The following ZCWPW2 variants were observed in gnomAD, a reference collection of about 807,000 sequenced individuals.
The protein encoded by ZCWPW2 is zinc finger CW-type and PWWP domain containing 2, also known as zinc finger CW-type PWWP domain protein 2.
A neutral mutation model predicts 46.6 loss-of-function variants in ZCWPW2; 45 were observed. The observed-to-expected ratio is 0.96, with a 90% CI of 0.76 to 1.24. The LOEUF is 1.24. Ranked by LOEUF, ZCWPW2 falls within the 50% of genes most tolerant of loss-of-function variation. The pLI, the probability that ZCWPW2 is intolerant of heterozygous loss-of-function variation, is 0.00. For missense variants in ZCWPW2, 429 were observed against 403.9 expected (o/e 1.06, Z -0.53); for synonymous variants, 152 against 137.1 (o/e 1.11, Z -0.76).
rs150672713 is a variant in ZCWPW2, at chr3:28,360,232, G to A, written c.-134+11029G>A. On this transcript the variant is annotated intron_variant, in intron 1 of 9. Transcript: ENST00000383768. ...GAAGACAAAACAATTCTGGCCGGGC[G>A]CGGTGGCTCACGCCTGTAATTCCAG... 6.7e-3 allele frequency among the ~76,000 whole-genome samples: 1,021 copies of A among 151,744 alleles called. 3 individuals are homozygous for A. Among genetic ancestry groups the A allele is most frequent in the Non-Finnish European group, 0.012 (798 of 67,906 alleles).
chr3:28,352,314 G>A (rs187465781), intron 1 of ZCWPW2, among the ~76,000 whole-genome samples: 8 of 152,018 alleles, frequency 5.3e-5, no homozygotes, highest in South Asian at 4.1e-4. Context: ...AGGCTTTCCC[G>A]GGGGGGTTAT....
intron 6 of ZCWPW2, among the ~76,000 whole-genome samples, chr3:28,497,975 G>C (rs140362730): frequency 1.3e-5 from 2 of 152,022 alleles, no homozygotes; most frequent in Non-Finnish European, 2.9e-5. Flanking sequence ...TCTAGATTCT[G>C]TAAGTCCCTT....
intron 2 of ZCWPW2, among the ~76,000 whole-genome samples, chr3:28,400,883 TA>T (rs919393246): frequency 4.0e-5 from 6 of 151,824 alleles, no homozygotes; most frequent in Non-Finnish European, 8.8e-5. Context: ...AAATACAGCT[TA>T]AAAAAACAAA....
intron 4 of ZCWPW2, among the ~76,000 whole-genome samples, chr3:28,437,449 T>C (rs772344869): frequency 5.3e-5 from 8 of 152,224 alleles, no homozygotes; most frequent in Non-Finnish European, 8.8e-5. Context: ...TATATGCATT[T>C]AAATTAAATT....
In ZCWPW2 at chr3:28,467,633, T is replaced by C. The variant is rs142217365; in HGVS notation, c.493-11181T>C. ...GTGTCACCTCACCCCCAGCCCCAGG[T>C]GACTCACAGAGAGCAAGACTCTGTT... On this transcript the variant is annotated intron_variant, in intron 4 of 9. Coordinates refer to ENST00000383768, the MANE Select transcript of ZCWPW2 (RefSeq NM_001040432.4). Among the ~76,000 whole-genome samples, 356 of 152,266 alleles carry C rather than the reference T, an allele frequency of 2.3e-3. 2 individuals are homozygous for C. The highest frequency in any genetic ancestry group is 8.1e-3 in the African/African-American group (337 of 41,568).
At chr3:28,411,382 A>G (rs1410759770) in intron 2 of ZCWPW2, among the ~76,000 whole-genome samples, 1 of 151,982 alleles carries the variant, frequency 6.6e-6, no homozygotes, top group African/African-American at 2.4e-5. Flanking sequence ...ATAGAAGGAA[A>G]ACAACTTTCT....
At position 28,525,299 on chromosome 3, in the gene ZCWPW2, G is replaced by A. The variant is rs1298026560; in HGVS notation, c.*611G>A. Among the ~76,000 whole-genome samples, 3 of 152,082 alleles carry A rather than the reference G, an allele frequency of 2.0e-5. No individual in the cohort carries two copies. Among genetic ancestry groups the A allele is most frequent in the Non-Finnish European group, 1.5e-5 (1 of 68,008 alleles). ...TCAAAATCCTGGACCCTTCCCTGCT[G>A]AATCAGTGTCTTTGGAGGTATCATC... On this transcript the variant is annotated 3_prime_UTR_variant, in exon 10 of 10. Coordinates refer to ENST00000383768, the MANE Select transcript of ZCWPW2 (RefSeq NM_001040432.4).
rs1177815778 is a variant in ZCWPW2, at chr3:28,380,987, ATATATATATTTGG to A, written c.-133-9501_-133-9489del. Among the ~76,000 whole-genome samples the A allele has an allele frequency of 6.3e-5, 3 of 47,408 alleles. 1 individual carries two copies. The highest frequency in any genetic ancestry group is 3.6e-4 in the African/African-American group (3 of 8,358). The allele number at this position is 47,408 out of a possible 152,430, so 31.1% of individuals were successfully genotyped here. A position where few individuals can be genotyped will look rare whatever the true frequency, so the allele number is the denominator to read the frequency against. ...ATATATATATTTGGTATATATATAT[ATATATATATTTGG>A]TATATATATATATATATATATTTGG... On this transcript the variant is annotated intron_variant, in intron 1 of 9. Transcript: ENST00000383768.
intron 2 of ZCWPW2, among the ~76,000 whole-genome samples, chr3:28,398,419 G>C (rs1273521820): frequency 2.6e-5 from 4 of 152,086 alleles, no homozygotes; most frequent in Non-Finnish European, 5.9e-5. Context: ...AAGTTATTTT[G>C]GATGGTGGAC....
At chr3:28,431,651 C>A (rs1408246312) in intron 3 of ZCWPW2, among the ~76,000 whole-genome samples, 2 of 152,122 alleles carry the variant, frequency 1.3e-5, no homozygotes. Flanking sequence ...GGACAAAATT[C>A]AGCCCATAAT....
intron 4 of ZCWPW2, among the ~76,000 whole-genome samples, chr3:28,477,543 A>G (rs1699275723): frequency 6.6e-6 from 1 of 152,192 alleles, no homozygotes; most frequent in Admixed American, 6.5e-5. Context: ...ACTGTAATAG[A>G]AGTCAGAAAG....
chr3:28,374,517 A>G (rs563282831), intron 1 of ZCWPW2, among the ~76,000 whole-genome samples: 2 of 152,226 alleles, frequency 1.3e-5, no homozygotes, highest in African/African-American at 4.8e-5. Flanking sequence ...GAAAAATCTC[A>G]TTGGTAGATT....
rs565680329 is a variant in ZCWPW2 at position 28,478,544 on chromosome 3, C to T, written c.493-270C>T. On this transcript the variant is annotated intron_variant, in intron 4 of 9. Transcript: ENST00000383768. ...ATTAACTACTTTGTGACGCTGAGGGCCTTTTTGTAAGTTCCTAAGTGTGAG... is the reference window on the plus strand; with the variant it reads ...ATTAACTACTTTGTGACGCTGAGGGTCTTTTTGTAAGTTCCTAAGTGTGAG... 1.6e-4 allele frequency among the ~76,000 whole-genome samples: 25 copies of T among 152,138 alleles called. No individual in the cohort carries two copies. In the South Asian group the frequency reaches 4.8e-3, roughly 29 times the overall value.
chr3:28,505,163 C>G (rs1374928027), intron 6 of ZCWPW2, among the ~76,000 whole-genome samples: 2 of 152,116 alleles, frequency 1.3e-5, no homozygotes, highest in East Asian at 3.9e-4. Context: ...GCTCTCATGT[C>G]TCAGCTCACT....
intron 8 of ZCWPW2, among the ~76,000 whole-genome samples, chr3:28,517,030 C>T (rs1700591298): frequency 1.3e-5 from 2 of 152,072 alleles, no homozygotes; most frequent in Non-Finnish European, 1.5e-5. Context: ...AAAATAACTT[C>T]TTTTTTTACA....
intron 4 of ZCWPW2, among the ~76,000 whole-genome samples, chr3:28,437,173 A>G (rs971108134): frequency 6.6e-6 from 1 of 152,218 alleles, no homozygotes; most frequent in South Asian, 2.1e-4. Flanking sequence ...ATTTTTTTCT[A>G]GAGGAGAAGT....
At chr3:28,437,200 TTGTC>T (rs1697536269) in intron 4 of ZCWPW2, among the ~76,000 whole-genome samples, 1 of 152,220 alleles carries the variant, frequency 6.6e-6, no homozygotes, top group African/African-American at 2.4e-5. Flanking sequence ...ATTGTACAAG[TTGTC>T]TGATCACTTT....
chr3:28,371,367 G>A (rs1000235339), intron 1 of ZCWPW2, among the ~76,000 whole-genome samples: 1 of 152,192 alleles, frequency 6.6e-6, no homozygotes. Context: ...CAGCCAAGGA[G>A]CATGGTAAAG....
chr3:28,407,213 C>G (rs987154617), intron 2 of ZCWPW2, among the ~76,000 whole-genome samples: 3 of 152,140 alleles, frequency 2.0e-5, no homozygotes, highest in Non-Finnish European at 4.4e-5. Flanking sequence ...GCTAGCTGCT[C>G]CCTGCATCCT....
Sources: gnomAD v4.1 joint callset for allele counts (sites outside exome capture counted in the v4.1 genomes callset) on GRCh38, gnomAD v4.1.1 for gene constraint, MANE v1.5 for transcripts, NCBI Gene and HGNC (gene_info 2026-07-23, HGNC 2026-07-21) for gene names.